The following USH2A variants were observed in gnomAD, a reference collection of about 807,000 sequenced individuals.
The protein encoded by USH2A is usherin.
In USH2A, 443 loss-of-function variants were observed where a neutral mutation model predicts 538.9. That is an observed-to-expected ratio of 0.82 (90% CI 0.76 to 0.89). The LOEUF (loss-of-function observed/expected upper bound fraction) is 0.89. USH2A is among the 40% of genes least tolerant of loss of function. USH2A has a pLI of 0.00. For synonymous variants in USH2A, 2,413 were observed against 2,273.5 expected (o/e 1.06, Z -1.75); for missense variants, 6,633 against 6,324.8 (o/e 1.05, Z -1.65).
At chr1:216,352,352 C>T (rs142726211) in intron 4 of USH2A, among the ~76,000 whole-genome samples, 23 of 152,168 alleles carry the variant, frequency 1.5e-4, no homozygotes, top group African/African-American at 5.3e-4. Flanking sequence ...AAGTGAAGAA[C>T]GTATACCAAG....
In USH2A at chr1:216,196,614, T is replaced by C; in HGVS notation, c.4190A>G (p.Tyr1397Cys). 4 of 1,613,644 alleles carry C rather than the reference T, an allele frequency of 2.5e-6. No homozygotes were observed. Among genetic ancestry groups the C allele is most frequent in the Non-Finnish European group, 3.4e-6 (4 of 1,179,712 alleles). ...TTGTTCAGAAAGCATATTGATGTCA[T>C]ACCCCACAACTTTTCCTCTTGTAAC... is the stretch of plus-strand genomic sequence containing the variant. ...DNVTRGKVVG[Y>C]DINMLSEQSP... The change falls in exon 19 of 72, where the codon TAT becomes TGT. Residue 1397 changes from tyrosine to cysteine, a missense_variant. Tyr to Cys is a radical substitution (Grantham distance 194, BLOSUM62 -2). Transcript: ENST00000307340.
chr1:216,214,012 C>T (rs1444697793), intron 15 of USH2A, among the ~76,000 whole-genome samples: 1 of 152,064 alleles, frequency 6.6e-6, no homozygotes, highest in Non-Finnish European at 1.5e-5. Context: ...CTACTACACA[C>T]TCACTGAATG....
chr1:216,174,858 G>C, intron 21 of USH2A: 1 of 1,037,906 alleles, frequency 9.6e-7, no homozygotes, highest in Non-Finnish European at 1.2e-6. Context: ...ATGCTTTTTG[G>C]AGTTTCAGTA....
chr1:216,355,739 A>T (rs1395032305), intron 4 of USH2A, among the ~76,000 whole-genome samples: 1 of 152,100 alleles, frequency 6.6e-6, no homozygotes, highest in Non-Finnish European at 1.5e-5. Context: ...ACATAGACAA[A>T]ACACAGAATT....
At chr1:216,233,760 C>T (rs990041152) in intron 13 of USH2A, among the ~76,000 whole-genome samples, 11 of 151,694 alleles carry the variant, frequency 7.3e-5, no homozygotes, top group African/African-American at 2.4e-4. Context: ...CTCTTCAGAC[C>T]CAGGAGATGG....
At chr1:216,233,010 T>C (rs1266929112) in intron 13 of USH2A, among the ~76,000 whole-genome samples, 2 of 152,318 alleles carry the variant, frequency 1.3e-5, no homozygotes, top group African/African-American at 2.4e-5. Context: ...CCATCTCTTC[T>C]AATTGCATCC....
intron 27 of USH2A, among the ~76,000 whole-genome samples, chr1:216,075,161 G>A (rs1187662060): frequency 6.6e-6 from 1 of 152,102 alleles, no homozygotes; most frequent in African/African-American, 2.4e-5. Flanking sequence ...GGCCTAGAGA[G>A]TTAGTTATAA....
Position 215,888,797 on chromosome 1 carries a change from A to T in USH2A, c.7852T>A (p.Trp2618Arg). 1.2e-6 allele frequency: 2 copies of T among 1,614,124 alleles called. No homozygotes were observed. Among genetic ancestry groups the T allele is most frequent in the East Asian group, 4.5e-5 (2 of 44,866 alleles). ...CSLSPESQTV[W>R]TLPGAPEGIP... ...CCTTCCGGTGCCCCTGGGAGTGTCC[A>T]TACAGTCTGGGACTCTGGTGAAAGG... Residue 2618 changes from tryptophan (W) to arginine (R), a missense_variant, in exon 41 of 72, where the codon TGG becomes AGG. Trp to Arg is a moderately radical substitution (Grantham distance 101). Coordinates refer to ENST00000307340, the MANE Select transcript of USH2A (RefSeq NM_206933.4).
At chr1:216,014,342 T>G (rs1668652930) in intron 32 of USH2A, among the ~76,000 whole-genome samples, 1 of 151,944 alleles carries the variant, frequency 6.6e-6, no homozygotes, top group African/African-American at 2.4e-5. Flanking sequence ...GAAGTGAGGC[T>G]GATAAATTCT....
intron 38 of USH2A, among the ~76,000 whole-genome samples, chr1:215,904,404 T>A (rs1034827734): frequency 6.6e-6 from 1 of 152,094 alleles, no homozygotes; most frequent in Non-Finnish European, 1.5e-5. Flanking sequence ...GTGAAATATT[T>A]CCAAACAGAA....
At chr1:216,033,057 A>T (rs1669166464) in intron 32 of USH2A, among the ~76,000 whole-genome samples, 1 of 152,284 alleles carries the variant, frequency 6.6e-6, no homozygotes, top group South Asian at 2.1e-4. Context: ...ACAATCTGCC[A>T]TGATGATCTC....
intron 4 of USH2A, among the ~76,000 whole-genome samples, chr1:216,342,212 C>T (rs981741715): frequency 6.6e-6 from 1 of 152,142 alleles, no homozygotes. Flanking sequence ...CAAAAGAAGA[C>T]ATTAATGCAG....
intron 60 of USH2A, among the ~76,000 whole-genome samples, chr1:215,734,804 A>G (rs1358101005): frequency 1.3e-5 from 2 of 152,122 alleles, no homozygotes; most frequent in Admixed American, 1.3e-4. Context: ...CTAGTTCTCA[A>G]TTATTTGCAT....
chr1:215,740,755 T>A (rs1051363581), intron 60 of USH2A, among the ~76,000 whole-genome samples: 1 of 152,226 alleles, frequency 6.6e-6, no homozygotes, highest in Admixed American at 6.5e-5. Context: ...ACTGGTTTTG[T>A]GGAAGACAAT....
chr1:215,657,694 G>A lies in USH2A; in HGVS notation c.14134-6893C>T, dbSNP rs567971097. Among the ~76,000 whole-genome samples the A allele has an allele frequency of 3.3e-5, 5 of 152,256 alleles. No individual in the cohort carries two copies. In the East Asian group the frequency reaches 7.7e-4, roughly 24 times the overall value. The stretch of plus-strand genomic sequence containing the variant: ...TTGAATTCTGGGACCCAGGGGAAGA[G>A]GGTACAGCAGGACATTGTCTTGCTT... On this transcript the variant is annotated intron_variant, in intron 64 of 71. Transcript: ENST00000307340.
rs568583758 is a variant in USH2A, at chr1:215,657,403, A to G, written c.14134-6602T>C. Among the ~76,000 whole-genome samples, 6 of 152,366 alleles carry G rather than the reference A, an allele frequency of 3.9e-5. No individual in the cohort carries two copies. In the East Asian group the frequency reaches 7.7e-4, roughly 20 times the overall value. The stretch of plus-strand genomic sequence containing the variant: ...GACAATGCAATGAATTTGAAATTAC[A>G]TGATTACAAGATTGTTTTATTTCAT... On this transcript the variant is annotated intron_variant, in intron 64 of 71. Transcript: ENST00000307340.
At chr1:215,714,020 T>C (rs749358334) in intron 61 of USH2A, among the ~76,000 whole-genome samples, 18 of 152,204 alleles carry the variant, frequency 1.2e-4, no homozygotes, top group Non-Finnish European at 2.2e-4. Flanking sequence ...AGATTGGTTA[T>C]TGAGGTGAAA....
intron 41 of USH2A, 81 bp downstream of exon 41, chr1:215,888,345 G>A: frequency 6.3e-7 from 1 of 1,596,268 alleles, no homozygotes; most frequent in Non-Finnish European, 8.5e-7. Context: ...TGTTTAGTCA[G>A]TAGATGGCTC....
chr1:216,173,689 C>G (rs541935961), intron 21 of USH2A, among the ~76,000 whole-genome samples: 1 of 152,096 alleles, frequency 6.6e-6, no homozygotes, highest in Admixed American at 6.6e-5. Flanking sequence ...AATTTATTAA[C>G]GGTGGACGGG....
Sources: allele counts gnomAD v4.1 joint callset (sites outside exome capture counted in the v4.1 genomes callset), GRCh38; gene constraint gnomAD v4.1.1; transcripts MANE v1.5; gene names NCBI Gene and HGNC (gene_info 2026-07-23, HGNC 2026-07-21).